RUNX3: variants seen among roughly 807,000 people sequenced by gnomAD.
The protein encoded by RUNX3 is RUNX family transcription factor 3, also known as runt-related transcription factor 3.
RUNX3 carries 10 observed loss-of-function variants against 27.7 expected under a neutral mutation model. That is an observed-to-expected ratio of 0.36 (90% CI 0.22 to 0.61). The LOEUF is 0.61. RUNX3 is among the 20% of genes least tolerant of loss of function. RUNX3 has a pLI of 0.72. For missense variants in RUNX3, 469 were observed against 629.5 expected (o/e 0.75, Z 2.73); for synonymous variants, 270 against 269.2 (o/e 1.00, Z -0.03).
Position 24,930,171 on chromosome 1 carries a change from C to G in RUNX3, c.-303G>C, listed in dbSNP as rs1641190555. ...CGGCTGCCTGGGCCGCGGCGGGGCC[C>G]GCGCGGGGCTGTGCCGCTGCCGCCG... On this transcript the variant is annotated 5_prime_UTR_variant, in exon 1 of 5. Transcript: ENST00000308873. The surrounding 1 kb of genome is among the most constrained non-coding windows in gnomAD (Gnocchi z 4.1). 2.0e-6 allele frequency: 2 copies of G among 978,592 alleles called. No homozygotes were observed. The highest frequency in any genetic ancestry group is 9.4e-5 in the South Asian group (2 of 21,206). 60.6% of individuals were successfully genotyped at this position (978,592 alleles called of 1,614,324 possible).
At chr1:24,960,469 A>G (rs1642078135) in intron 2 of RUNX3, among the ~76,000 whole-genome samples, 1 of 152,156 alleles carries the variant, frequency 6.6e-6, no homozygotes, top group African/African-American at 2.4e-5. Context: ...ACACCTCGAT[A>G]AGTTTTTGGG....
upstream of RUNX3, among the ~76,000 whole-genome samples, chr1:24,934,767 C>T (rs1253116134): frequency 6.6e-6 from 1 of 152,188 alleles, no homozygotes; most frequent in African/African-American, 2.4e-5. Context: ...AGCATGTCAG[C>T]ACTCTCCTCC....
Position 24,935,300 on chromosome 1 carries a change from G to T in RUNX3, c.59-5448C>A, listed in dbSNP as rs552723489. ...AGTGTTTGCATCTGAATGCGGGGGTGCACTTTCAAGGCCCCTCTACATGCC... is the reference window on the plus strand; with the variant it reads ...AGTGTTTGCATCTGAATGCGGGGGTTCACTTTCAAGGCCCCTCTACATGCC... On this transcript the variant is annotated intron_variant, in intron 2 of 6. Coordinates refer to the RUNX3 transcript ENST00000338888. Among the ~76,000 whole-genome samples the T allele has an allele frequency of 5.3e-5, 8 of 152,300 alleles. No individual in the cohort carries two copies. The South Asian group carries it at 1.7e-3, about 32-fold the overall frequency.
At chr1:24,932,116 A>G (rs1260683570), upstream of RUNX3, among the ~76,000 whole-genome samples, 3 of 152,024 alleles carry the variant, frequency 2.0e-5, no homozygotes, top group Non-Finnish European at 1.5e-5. Flanking sequence ...GGTAAATTCC[A>G]TTTGTCGAAT....
At chr1:24,959,025 GC>G (rs1190399934) in intron 2 of RUNX3, among the ~76,000 whole-genome samples, 2 of 152,232 alleles carry the variant, frequency 1.3e-5, no homozygotes, top group Non-Finnish European at 2.9e-5. Flanking sequence ...GTCCGGACTG[GC>G]TCAGTGGCAA....
At chr1:24,929,382 T>G (rs766070118) in intron 1 of RUNX3, 2 of 705,676 alleles carry the variant, frequency 2.8e-6, no homozygotes, top group Non-Finnish European at 5.1e-6. Flanking sequence ...GCAACCCCGT[T>G]AAAAGTCATT....
chr1:24,957,861 G>A (rs934803896), intron 2 of RUNX3, among the ~76,000 whole-genome samples: 1 of 152,240 alleles, frequency 6.6e-6, no homozygotes, highest in Non-Finnish European at 1.5e-5. Context: ...GCGAGGAAGT[G>A]GCAGAGCCTG....
intron 2 of RUNX3, among the ~76,000 whole-genome samples, chr1:24,939,882 A>G (rs1384345177): frequency 1.3e-5 from 2 of 152,234 alleles, no homozygotes; most frequent in Middle Eastern, 3.2e-3. Flanking sequence ...AGGGGCCCAG[A>G]GACCTGAGTT....
Position 24,963,938 on chromosome 1 carries a change from GT to G in RUNX3, c.58+575del, listed in dbSNP as rs1362602770. Among the ~76,000 whole-genome samples, 3 of 152,218 alleles carry G rather than the reference GT, an allele frequency of 2.0e-5. No individual in the cohort carries two copies. In the East Asian group the frequency reaches 5.8e-4, roughly 29 times the overall value. ...AAATCCACGAACTTTCTCGAGGTCT[GT>G]CCCCCTGCCCCGTGCAGGTCCAGCT... is the stretch of plus-strand genomic sequence containing the variant. On this transcript the variant is annotated intron_variant, in intron 2 of 6. Transcript: ENST00000338888.
At chr1:24,919,852 G>A (rs1159171579) in intron 2 of RUNX3, among the ~76,000 whole-genome samples, 2 of 151,120 alleles carry the variant, frequency 1.3e-5, no homozygotes, top group East Asian at 1.9e-4. Flanking sequence ...TTACACAGTC[G>A]CAGTGGTACT....
chr1:24,934,608 C>A (rs144591464), upstream of RUNX3, among the ~76,000 whole-genome samples: 274 of 152,290 alleles, frequency 1.8e-3, 1 homozygote, highest in Middle Eastern at 0.01. Context: ...TCATGGTATT[C>A]AATCCCCACG....
At chr1:24,958,702 T>C (rs914958297) in intron 2 of RUNX3, among the ~76,000 whole-genome samples, 6 of 152,132 alleles carry the variant, frequency 3.9e-5, no homozygotes, top group African/African-American at 1.4e-4. Context: ...CTTCCTTCTC[T>C]TTACTTCCAC....
chr1:24,907,342 C>T lies in RUNX3; in HGVS notation c.620G>A (p.Arg207Gln), dbSNP rs746700911. The change falls in exon 4 of 5, where the codon CGG (arginine) becomes CAG (glutamine). Residue 207 changes from arginine (R) to glutamine (Q), a missense_variant. This residue lies in a region of RUNX3 where 279 missense variants were observed against 343.0 expected (regional missense o/e 0.81). Transcript: ENST00000308873. ...RFGDLERLRM[R>Q]VTPSTPSPRG... The stretch of plus-strand genomic sequence containing the variant: ...GGGGCTGGGTGTGCTCGGTGTCACC[C>T]GCATGCGCAGCCGTTCCAGGTCCCC... 11 of 1,613,714 alleles carry T rather than the reference C, an allele frequency of 6.8e-6. No individual in the cohort carries two copies. Among genetic ancestry groups the T allele is most frequent in the Non-Finnish European group, 9.3e-6 (11 of 1,180,002 alleles).
At chr1:24,907,648 CAAACCTCTACAACACGCGGTGATCT>C (rs1557836826) in intron 3 of RUNX3, among the ~76,000 whole-genome samples, 13 of 150,294 alleles carry the variant, frequency 8.6e-5, no homozygotes, top group African/African-American at 2.4e-4. Context: ...CACGGTGATC[CAAACCTCTACAACACGCGGTGATCT>C]AAACCTCTAC....
At position 24,901,036 on chromosome 1, in the gene RUNX3, G is replaced by GTTTTTTTTTTTTTTTTTTTTTTTTTTTT. The variant is rs3085849; in HGVS notation, c.*1085_*1086insAAAAAAAAAAAAAAAAAAAAAAAAAAAA. On this transcript the variant is annotated 3_prime_UTR_variant, in exon 5 of 5. Coordinates refer to ENST00000308873, the MANE Select transcript of RUNX3 (RefSeq NM_004350.3). ...TGTTTTGTTTTTTTTTTGTTTTTTT[G>GTTTTTTTTTTTTTTTTTTTTTTTTTTTT]TTTTTTTTTTTTTTTTGCTCAGGAC... 8.6e-6 allele frequency: 1 copy of GTTTTTTTTTTTTTTTTTTTTTTTTTTTT among 116,908 alleles called. No homozygotes were observed. The highest frequency in any genetic ancestry group is 3.4e-5 in the African/African-American group (1 of 29,036). 7.2% of individuals were successfully genotyped at this position (116,908 alleles called of 1,614,324 possible).
intron 2 of RUNX3, among the ~76,000 whole-genome samples, chr1:24,946,571 A>C (rs1641613359): frequency 2.0e-5 from 3 of 152,108 alleles, no homozygotes; most frequent in African/African-American, 7.2e-5. Flanking sequence ...TGGAAAGCCC[A>C]TTCCCCCCCT....
chr1:24,910,244 A>C (rs1048453918), intron 3 of RUNX3, among the ~76,000 whole-genome samples: 1 of 146,684 alleles, frequency 6.8e-6, no homozygotes, highest in South Asian at 2.2e-4. Context: ...AGCCAAGATC[A>C]CACCACTGCA....
upstream of RUNX3, chr1:24,930,276 CG>C: frequency 2.0e-6 from 2 of 981,938 alleles, no homozygotes; most frequent in Non-Finnish European, 2.4e-6. This position sits in a 1 kb window ranked among gnomAD's most constrained non-coding sequence, Gnocchi z 4.1. Flanking sequence ...AATCAAGTGG[CG>C]GGGCCGCGGC....
At position 24,943,523 on chromosome 1, in the gene RUNX3, G is replaced by A. The variant is rs1230798703; in HGVS notation, c.59-13671C>T. 6.6e-6 allele frequency among the ~76,000 whole-genome samples: 1 copy of A among 152,198 alleles called. No homozygotes were observed. Among genetic ancestry groups the A allele is most frequent in the Non-Finnish European group, 1.5e-5 (1 of 68,032 alleles). On this transcript the variant is annotated intron_variant, in intron 2 of 6. Coordinates refer to the RUNX3 transcript ENST00000338888. The surrounding 1 kb of genome is among the most constrained non-coding windows in gnomAD (Gnocchi z 4.6). ...AGTTGGGGAAACTGAGGCTCGGCAA[G>A]GTTAAGTAGCCTGCCAAACACACAG...
Sources: allele counts gnomAD v4.1 joint callset (sites outside exome capture counted in the v4.1 genomes callset), GRCh38; gene constraint gnomAD v4.1.1; regional missense constraint gnomAD v4.1.1; non-coding constraint Gnocchi (gnomAD v3.1); transcripts MANE v1.5; gene names NCBI Gene and HGNC (gene_info 2026-07-23, HGNC 2026-07-21).